The following CTSZ variants were observed in gnomAD, a reference collection of about 807,000 sequenced individuals.
CTSZ encodes carboxypeptidase LB.
CTSZ carries 39 observed loss-of-function variants against 32.4 expected under a neutral mutation model. The ratio of observed to expected loss-of-function variants is 1.20; its 90% CI spans 0.93 to 1.57. The LOEUF (loss-of-function observed/expected upper bound fraction) is 1.57, where lower values mean the gene tolerates loss of function less well. Among genes scored for constraint, CTSZ ranks in the 40% most tolerant of loss-of-function variants. The pLI is 0.00. For synonymous variants in CTSZ, 168 were observed against 170.1 expected (o/e 0.99, Z 0.10); for missense variants, 397 against 419.6 (o/e 0.95, Z 0.47).
In CTSZ at chr20:58,996,660, C is replaced by G; in HGVS notation, c.780G>C (p.Arg260=). 1 of 1,612,998 alleles carries G rather than the reference C, an allele frequency of 6.2e-7. No individual in the cohort carries two copies. Among genetic ancestry groups the G allele is most frequent in the Non-Finnish European group, 8.5e-7 (1 of 1,179,406 alleles). Residue 260 remains arginine, a synonymous_variant, in exon 5 of 6, where the codon CGG becomes CGC. Transcript: ENST00000217131. ...TTACCCATGGTTCACCCCATGAATT[C>G]CGGACAATCCAGTACTCAGTCCCAT... The part of the protein sequence containing the change: ...ISDGTEYWIV[R]NSWGEPWGER...
At chr20:59,000,632 C>CT (rs2091884886) in intron 3 of CTSZ, among the ~76,000 whole-genome samples, 1 of 152,074 alleles carries the variant, frequency 6.6e-6, no homozygotes, top group Non-Finnish European at 1.5e-5. Flanking sequence ...AGCACCTCCC[C>CT]ACCTGCTCTC....
Position 58,997,713 on chromosome 20 carries a change from G to T in CTSZ, c.528C>A (p.Phe176Leu), listed in dbSNP as rs1366453642. ...KFNQCGTCNEFKECHAIRNYT... is the reference protein window; with the variant it reads ...KFNQCGTCNELKECHAIRNYT... ...AGTTCCGGATGGCGTGGCACTCTTT[G>T]AATTCATTGCATGTCCCACATTGGT... The change falls in exon 4 of 6, where the codon TTC becomes TTA. Residue 176 changes from phenylalanine to leucine, a missense_variant. Transcript: ENST00000217131. The T allele has an allele frequency of 8.1e-6, 13 of 1,608,464 alleles. No individual in the cohort carries two copies. The highest frequency in any genetic ancestry group is 1.1e-5 in the Non-Finnish European group (13 of 1,177,444).
At chr20:58,998,464 T>C (rs1450235297) in intron 3 of CTSZ, among the ~76,000 whole-genome samples, 11 of 151,258 alleles carry the variant, frequency 7.3e-5, no homozygotes, top group Admixed American at 4.6e-4. Flanking sequence ...GAGAATCGCT[T>C]GAACCCGGGA....
Position 59,001,450 on chromosome 20 carries a change from CG to C in CTSZ, c.487+14del. On this transcript the variant is annotated intron_variant, in intron 3 of 5. Transcript: ENST00000217131. ...AGGGCAGGAGGGTGGAGTGGGGGCA[CG>C]GGCAGCAGCCTACCCTGGTCCTTGG... is the stretch of plus-strand genomic sequence containing the variant. 6.3e-7 allele frequency: 1 copy of C among 1,596,760 alleles called. No individual in the cohort carries two copies. Among genetic ancestry groups the C allele is most frequent in the Non-Finnish European group, 8.6e-7 (1 of 1,167,706 alleles).
intron 4 of CTSZ, 105 bp from the exon 5 acceptor site, chr20:58,996,906 C>A: frequency 7.5e-7 from 1 of 1,333,120 alleles, no homozygotes; most frequent in South Asian, 1.4e-5. Context: ...CCTGTAATTC[C>A]AGCACTTTGG....
chr20:59,000,814 G>C (rs2091885303), intron 3 of CTSZ, among the ~76,000 whole-genome samples: 1 of 151,326 alleles, frequency 6.6e-6, no homozygotes, highest in East Asian at 1.9e-4. Context: ...TGGAGACATG[G>C]GGACAGGGCC....
At chr20:58,995,799 G>T (rs3787492) in intron 5 of CTSZ, 40 bp from the exon 6 acceptor site, 6 of 1,578,066 alleles carry the variant, frequency 3.8e-6, no homozygotes, top group Non-Finnish European at 5.2e-6. Context: ...ATCTGCAGCC[G>T]TCTCCCGCTC....
chr20:58,999,480 A>G (rs1484765288), intron 3 of CTSZ, among the ~76,000 whole-genome samples: 1 of 148,972 alleles, frequency 6.7e-6, no homozygotes, highest in African/African-American at 2.5e-5. Flanking sequence ...TCCTGCTTCC[A>G]GAGCCATCTG....
In CTSZ at chr20:59,007,136, C is replaced by A. The variant is rs1429607978; in HGVS notation, c.-8G>T. On this transcript the variant is annotated 5_prime_UTR_variant, in exon 1 of 6. Transcript: ENST00000217131. ...TGGCCCGCGCCTCGCCATGGCCCCG[C>A]GCCGGCTCCTGGGTCCCGCTCCGGA... 7.4e-7 allele frequency: 1 copy of A among 1,353,310 alleles called. No homozygotes were observed. The highest frequency in any genetic ancestry group is 9.4e-7 in the Non-Finnish European group (1 of 1,060,834). 83.8% of individuals were successfully genotyped at this position (1,353,310 alleles called of 1,614,324 possible). A position where few individuals can be genotyped will look rare whatever the true frequency, so the allele number is the denominator to read the frequency against.
Position 58,997,600 on chromosome 20 carries a change from C to T in CTSZ, c.638+3G>A, listed in dbSNP as rs1488466769. The T allele has an allele frequency of 1.3e-6, 2 of 1,580,822 alleles. No individual in the cohort carries two copies. Among genetic ancestry groups the T allele is most frequent in the East Asian group, 2.3e-5 (1 of 43,608 alleles). ...TCTCTTTGCCCGCGGGACCTCTCCTCACCTGATGGGACCATTTGCATAGAT... is the reference window on the plus strand; with the variant it reads ...TCTCTTTGCCCGCGGGACCTCTCCTTACCTGATGGGACCATTTGCATAGAT... On this transcript the variant is annotated splice_donor_region_variant and intron_variant, in intron 4 of 5. Transcript: ENST00000217131.
intron 4 of CTSZ, chr20:58,997,295 C>T (rs1300641153): frequency 2.6e-5 from 7 of 268,214 alleles, no homozygotes; most frequent in Admixed American, 1.0e-4. Context: ...ACTGCCCCCT[C>T]GGTACAGCTT....
chr20:58,996,321 C>T (rs2091859712), intron 5 of CTSZ, among the ~76,000 whole-genome samples: 1 of 152,216 alleles, frequency 6.6e-6, no homozygotes, highest in African/African-American at 2.4e-5. Context: ...TCCAGCAGTG[C>T]TCACAGGGAC....
At chr20:59,001,734 G>A (rs1317779302) in intron 2 of CTSZ, 90 bp from the exon 3 acceptor site, 51 of 1,378,496 alleles carry the variant, frequency 3.7e-5, no homozygotes, top group South Asian at 2.9e-4. Flanking sequence ...GGATGCAGGC[G>A]CTGCCCAGCC....
intron 2 of CTSZ, among the ~76,000 whole-genome samples, chr20:59,005,149 C>T (rs1277141801): frequency 4.6e-5 from 7 of 152,142 alleles, no homozygotes; most frequent in African/African-American, 1.7e-4. Flanking sequence ...CCAAGGTCTC[C>T]CAGACCTTCC....
intron 4 of CTSZ, chr20:58,997,352 TGCTATCA>T: frequency 2.9e-6 from 1 of 349,740 alleles, no homozygotes; most frequent in South Asian, 7.1e-5. Context: ...GGGGCAGACT[TGCTATCA>T]GCTGAGTGTT....
chr20:59,001,328 CCT>C, intron 3 of CTSZ, 135 bp downstream of exon 3: 1 of 1,025,300 alleles, frequency 9.8e-7, no homozygotes, highest in Non-Finnish European at 1.4e-6. Flanking sequence ...GGGGCTGCAA[CCT>C]CTGCCCTCCC....
intron 2 of CTSZ, among the ~76,000 whole-genome samples, chr20:59,001,985 CAG>C (rs1305480116): frequency 6.6e-6 from 1 of 152,258 alleles, no homozygotes; most frequent in East Asian, 1.9e-4. Flanking sequence ...GCTGAATGGA[CAG>C]AGACTCAGCC....
intron 4 of CTSZ, chr20:58,997,319 C>A: frequency 6.6e-6 from 2 of 301,186 alleles, no homozygotes. Context: ...GCGTCTCATC[C>A]GCATTCCGCA....
intron 3 of CTSZ, among the ~76,000 whole-genome samples, chr20:58,998,552 A>AAAAAAAAAAGAAAGAAAG (rs368429073): frequency 6.9e-6 from 1 of 145,286 alleles, no homozygotes; most frequent in Non-Finnish European, 1.5e-5. Context: ...GTCTCAAAAA[A>AAAAAAAAAAGAAAGAAAG]AAAGAAAGAA....
Sources: gnomAD v4.1 joint callset for allele counts (sites outside exome capture counted in the v4.1 genomes callset) on GRCh38, gnomAD v4.1.1 for gene constraint, MANE v1.5 for transcripts, NCBI Gene and HGNC (gene_info 2026-07-23, HGNC 2026-07-21) for gene names.